The following CNTNAP5 variants were observed in gnomAD, a reference collection of about 807,000 sequenced individuals.
The protein encoded by CNTNAP5 is contactin-associated protein-like 5.
In CNTNAP5, 72 loss-of-function variants were observed where a neutral mutation model predicts 150.2. The ratio of observed to expected loss-of-function variants is 0.48; its 90% CI spans 0.40 to 0.58. The LOEUF is 0.58. CNTNAP5 is among the 20% of genes least tolerant of loss of function. The pLI, the probability that CNTNAP5 is intolerant of heterozygous loss-of-function variation, is 0.00. For synonymous variants in CNTNAP5, 672 were observed against 619.8 expected (o/e 1.08, Z -1.25); for missense variants, 1,636 against 1,626.2 (o/e 1.01, Z -0.10).
intron 19 of CNTNAP5, among the ~76,000 whole-genome samples, chr2:124,853,838 C>T (rs180802400): frequency 2.5e-3 from 384 of 152,198 alleles, no homozygotes; most frequent in South Asian, 4.6e-3. Flanking sequence ...GCCCTGGCAT[C>T]TTTTGTTCCC....
chr2:124,713,243 C>CTCTTTCTTTCTT lies in CNTNAP5; in HGVS notation c.2078-33937_2078-33926dup, dbSNP rs869162372. 4.1e-4 allele frequency among the ~76,000 whole-genome samples: 27 copies of CTCTTTCTTTCTT among 65,190 alleles called. 3 individuals carry two copies. The highest frequency in any genetic ancestry group is 8.6e-4 in the African/African-American group (15 of 17,416). 42.8% of individuals were successfully genotyped at this position (65,190 alleles called of 152,430 possible). A position where few individuals can be genotyped will look rare whatever the true frequency, so the allele number is the denominator to read the frequency against. On this transcript the variant is annotated intron_variant, in intron 13 of 23. Coordinates refer to ENST00000682447, the MANE Select transcript of CNTNAP5 (RefSeq NM_001367498.1). ...TGTTTCTTTCTTTCTTTCTTTCTTT[C>CTCTTTCTTTCTT]TCTTTCTTTCTTTCTTTCTTTCTTT...
chr2:124,763,525 A>G (rs1681000992), intron 14 of CNTNAP5, 147 bp from the exon 15 acceptor site: 10 of 654,230 alleles, frequency 1.5e-5, no homozygotes, highest in East Asian at 5.5e-5. Flanking sequence ...ACATACACTT[A>G]GGCGATGAAA....
intron 14 of CNTNAP5, among the ~76,000 whole-genome samples, chr2:124,750,185 G>A (rs1014831665): frequency 3.9e-5 from 6 of 152,102 alleles, no homozygotes; most frequent in Admixed American, 6.6e-5. Flanking sequence ...AAGAGACCTC[G>A]CTCAGGGCAC....
At chr2:124,187,811 A>G (rs1685368852) in intron 1 of CNTNAP5, among the ~76,000 whole-genome samples, 1 of 152,200 alleles carries the variant, frequency 6.6e-6, no homozygotes, top group South Asian at 2.1e-4. Flanking sequence ...GATGACTAAA[A>G]CAATTTTACC....
intron 5 of CNTNAP5, 42 bp from the exon 6 acceptor site, chr2:124,446,711 C>T: frequency 2.5e-6 from 4 of 1,592,714 alleles, no homozygotes; most frequent in Non-Finnish European, 3.4e-6. Flanking sequence ...CAAAGCTGCC[C>T]TTGGACACAG....
intron 11 of CNTNAP5, among the ~76,000 whole-genome samples, chr2:124,583,634 G>A (rs1031926051): frequency 7.9e-5 from 12 of 152,166 alleles, no homozygotes; most frequent in Non-Finnish European, 1.2e-4. Context: ...TCGACTTAGG[G>A]GAAAACCACA....
At chr2:124,235,774 G>C (rs1686730489) in intron 2 of CNTNAP5, among the ~76,000 whole-genome samples, 1 of 151,830 alleles carries the variant, frequency 6.6e-6, no homozygotes, top group Non-Finnish European at 1.5e-5. Context: ...ATAATAACCG[G>C]GTCTGATTAT....
At chr2:124,839,424 A>ACT (rs111259083) in intron 19 of CNTNAP5, among the ~76,000 whole-genome samples, 8,577 of 144,610 alleles carry the variant, frequency 0.059, 338 homozygotes, top group African/African-American at 0.12. Context: ...AAAATGACAC[A>ACT]CACTCTCTCT....
At chr2:124,741,319 G>A (rs999175213) in intron 13 of CNTNAP5, among the ~76,000 whole-genome samples, 5 of 152,094 alleles carry the variant, frequency 3.3e-5, no homozygotes, top group South Asian at 2.1e-4. Flanking sequence ...TCATAGCAAC[G>A]GGAAGAGGCC....
chr2:124,776,058 G>A (rs1681315125), intron 17 of CNTNAP5, among the ~76,000 whole-genome samples: 1 of 152,104 alleles, frequency 6.6e-6, no homozygotes, highest in Admixed American at 6.5e-5. Context: ...ATCTTCTAAG[G>A]CTTGAAGATC....
At chr2:124,453,923 A>G (rs1443550855) in intron 6 of CNTNAP5, among the ~76,000 whole-genome samples, 1 of 152,192 alleles carries the variant, frequency 6.6e-6, no homozygotes, top group African/African-American at 2.4e-5. Context: ...CATAAAAAAA[A>G]AGAGCCTCTT....
intron 10 of CNTNAP5, among the ~76,000 whole-genome samples, chr2:124,560,494 G>T (rs1695863842): frequency 6.8e-6 from 1 of 147,766 alleles, no homozygotes; most frequent in African/African-American, 2.5e-5. Context: ...ACTCCAGCCT[G>T]GGTGACAGAG....
At chr2:124,239,687 C>T (rs761766421) in intron 2 of CNTNAP5, among the ~76,000 whole-genome samples, 32 of 132,002 alleles carry the variant, frequency 2.4e-4, no homozygotes, top group Non-Finnish European at 4.9e-4. Flanking sequence ...GGGACCATTT[C>T]AACAACATTT....
At position 124,885,342 on chromosome 2, in the gene CNTNAP5, A is replaced by G. The variant is rs568599568; in HGVS notation, c.3436+15580A>G. Among the ~76,000 whole-genome samples, 128 of 152,130 alleles carry G rather than the reference A, an allele frequency of 8.4e-4. 1 individual carries two copies. Among genetic ancestry groups the G allele is most frequent in the Non-Finnish European group, 1.1e-3 (74 of 67,992 alleles). On this transcript the variant is annotated intron_variant, in intron 21 of 23. Coordinates refer to ENST00000682447, the MANE Select transcript of CNTNAP5 (RefSeq NM_001367498.1). ...GTTTACAACATACCTTTACAGCAGTACTTGGATGAGGGCTTGATTGAATAA... is the reference window on the plus strand; with the variant it reads ...GTTTACAACATACCTTTACAGCAGTGCTTGGATGAGGGCTTGATTGAATAA...
intron 3 of CNTNAP5, among the ~76,000 whole-genome samples, chr2:124,395,500 C>T (rs1430054803): frequency 6.6e-6 from 1 of 152,116 alleles, no homozygotes; most frequent in Non-Finnish European, 1.5e-5. Flanking sequence ...TCTCTCTGCT[C>T]TCCTGCTTGG....
chr2:124,309,249 A>G (rs1468618886), intron 3 of CNTNAP5, among the ~76,000 whole-genome samples: 1 of 152,166 alleles, frequency 6.6e-6, no homozygotes, highest in East Asian at 1.9e-4. Flanking sequence ...CTGGGGGCAA[A>G]CTAAAACCTA....
At chr2:124,040,621 C>CTGTGTGTGTGTG (rs58364625) in intron 1 of CNTNAP5, among the ~76,000 whole-genome samples, 2,994 of 145,116 alleles carry the variant, frequency 0.021, 46 homozygotes, top group Middle Eastern at 0.046. Context: ...CTGTATGCCT[C>CTGTGTGTGTGTG]TGTGTGTGTG....
At chr2:124,402,913 T>A (rs1691467071) in intron 3 of CNTNAP5, among the ~76,000 whole-genome samples, 1 of 152,234 alleles carries the variant, frequency 6.6e-6, no homozygotes, top group African/African-American at 2.4e-5. Context: ...TTCTTTTCTA[T>A]AAACGCCTGT....
At chr2:124,418,930 C>T (rs962946006) in intron 4 of CNTNAP5, among the ~76,000 whole-genome samples, 15 of 150,388 alleles carry the variant, frequency 1.0e-4, no homozygotes, top group Non-Finnish European at 2.2e-4. Context: ...GTCAGGAGAT[C>T]GAGACCATCC....
Sources: gnomAD v4.1 joint callset for allele counts (sites outside exome capture counted in the v4.1 genomes callset) on GRCh38, gnomAD v4.1.1 for gene constraint, MANE v1.5 for transcripts, NCBI Gene and HGNC (gene_info 2026-07-23, HGNC 2026-07-21) for gene names.